Variants in ARHGAP23 observed in about 807,000 individuals in gnomAD.
The protein encoded by ARHGAP23 is Rho GTPase activating protein 23.
ARHGAP23 carries 34 observed loss-of-function variants against 136.3 expected under a neutral mutation model. The observed-to-expected ratio is 0.25, with a 90% CI of 0.19 to 0.33. ARHGAP23 has a LOEUF of 0.33. Among genes scored for constraint, ARHGAP23 ranks in the 10% least tolerant of loss-of-function variants. ARHGAP23 has a pLI of 1.00. For synonymous variants in ARHGAP23, 832 were observed against 920.5 expected, an observed-to-expected ratio of 0.90 and a Z score of 1.74; for missense variants, 1,808 against 2,139.0, an observed-to-expected ratio of 0.85 and a Z score of 3.05.
intron 1 of ARHGAP23, among the ~76,000 whole-genome samples, chr17:38,432,470 A>G (rs2038706193): frequency 6.6e-6 from 1 of 152,192 alleles, no homozygotes; most frequent in African/African-American, 2.4e-5. Flanking sequence ...ACCTGAGGTC[A>G]GGAGTTTGAG....
At chr17:38,507,276 A>AAATTAATAATAAT (rs142246291) in intron 23 of ARHGAP23, among the ~76,000 whole-genome samples, 3 of 136,670 alleles carry the variant, frequency 2.2e-5, no homozygotes, top group African/African-American at 8.2e-5. Flanking sequence ...CTCCGTCTCA[A>AAATTAATAATAAT]AATAATAATA....
chr17:38,479,176 T>C (rs1452788010), intron 12 of ARHGAP23, among the ~76,000 whole-genome samples: 3 of 152,148 alleles, frequency 2.0e-5, no homozygotes, highest in Non-Finnish European at 4.4e-5. Context: ...GCTGCATGAT[T>C]CTGCACCCGG....
chr17:38,446,833 T>C (rs62073430), intron 1 of ARHGAP23, among the ~76,000 whole-genome samples: 16,674 of 151,698 alleles, frequency 0.11, 1,972 homozygotes, highest in African/African-American at 0.3. Flanking sequence ...AGAGAGGGAG[T>C]CTTCCTCTGT....
Position 38,479,785 on chromosome 17 carries a change from C to A in ARHGAP23, c.2531C>A (p.Pro844His), listed in dbSNP as rs1357052651. The A allele has an allele frequency of 1.3e-6, 2 of 1,507,280 alleles. No individual in the cohort carries two copies. Among genetic ancestry groups the A allele is most frequent in the Admixed American group, 2.2e-5 (1 of 46,064 alleles). 93.4% of individuals were successfully genotyped at this position (1,507,280 alleles called of 1,614,324 possible). Residue 844 changes from proline (P) to histidine (H), a missense_variant, in exon 14 of 24, where the codon CCC (proline) becomes CAC (histidine). Transcript: ENST00000622683. ...HSSGPKADSS[P>H]KGSRGLGGLK... ...TCTGGGCCCAAAGCTGATTCCTCCC[C>A]CAAAGGCTCTCGCGGCCTGGGGGGC... is the stretch of plus-strand genomic sequence containing the variant.
chr17:38,440,508 C>T (rs1254613012), intron 1 of ARHGAP23, among the ~76,000 whole-genome samples: 1 of 152,340 alleles, frequency 6.6e-6, no homozygotes, highest in East Asian at 1.9e-4. Flanking sequence ...ACCCAGTTTA[C>T]AGCTGAGGAG....
chr17:38,453,638 G>A (rs2039242869), intron 1 of ARHGAP23: 2 of 151,140 alleles, frequency 1.3e-5, no homozygotes, highest in South Asian at 4.2e-4. Context: ...GGGCCGCCCC[G>A]GAGGGGGAGG....
intron 3 of ARHGAP23, among the ~76,000 whole-genome samples, chr17:38,462,601 G>C (rs2039488239): frequency 6.6e-6 from 1 of 152,206 alleles, no homozygotes; most frequent in Admixed American, 6.5e-5. Flanking sequence ...AGAGGACACA[G>C]GAGGTGTTTA....
At chr17:38,454,437 T>G (rs896693757) in intron 1 of ARHGAP23, among the ~76,000 whole-genome samples, 11 of 151,982 alleles carry the variant, frequency 7.2e-5, no homozygotes, top group African/African-American at 2.7e-4. Flanking sequence ...ACCAGAGCGT[T>G]TGAAGAGACG....
intron 1 of ARHGAP23, among the ~76,000 whole-genome samples, chr17:38,430,405 T>C (rs2038661338): frequency 2.6e-5 from 4 of 152,026 alleles, no homozygotes. Context: ...GCCCTGTGCT[T>C]GTGCCCCTCT....
Position 38,448,858 on chromosome 17 carries a change from CT to C in ARHGAP23, c.64-9227del, listed in dbSNP as rs1241989813. Among the ~76,000 whole-genome samples the C allele has an allele frequency of 2.5e-3, 310 of 124,180 alleles. 1 individual carries two copies. The highest frequency in any genetic ancestry group is 4.2e-3 in the Middle Eastern group (1 of 236). 81.5% of individuals were successfully genotyped at this position (124,180 alleles called of 152,430 possible). A position where few individuals can be genotyped will look rare whatever the true frequency, so the allele number is the denominator to read the frequency against. On this transcript the variant is annotated intron_variant, in intron 1 of 23. Transcript: ENST00000622683. ...ATGGGGTCTTGCCAAGTTGCCCAGCCTTTTTTTTTTTTTTTTTGAGACCGGG... is the reference window on the plus strand; with the variant it reads ...ATGGGGTCTTGCCAAGTTGCCCAGCCTTTTTTTTTTTTTTTTGAGACCGGG...
intron 1 of ARHGAP23, among the ~76,000 whole-genome samples, chr17:38,438,771 G>A (rs547475446): frequency 1.3e-5 from 2 of 151,954 alleles, no homozygotes; most frequent in Non-Finnish European, 2.9e-5. Context: ...ATCATCTGAG[G>A]TCGGGAGTTT....
chr17:38,486,231 TC>T (rs2040156502), intron 17 of ARHGAP23, 91 bp downstream of exon 17: 14 of 1,057,486 alleles, frequency 1.3e-5, no homozygotes, highest in Admixed American at 3.3e-5. Flanking sequence ...TTGGTTTTAC[TC>T]TTTTTTTTTT....
At chr17:38,421,703 C>G (rs2038522286) in intron 1 of ARHGAP23, among the ~76,000 whole-genome samples, 1 of 152,190 alleles carries the variant, frequency 6.6e-6, no homozygotes, top group Admixed American at 6.5e-5. Context: ...AGGGGCTTGC[C>G]CCACTGTGGT....
In ARHGAP23 at chr17:38,477,217, G is replaced by C. The variant is rs2144695765; in HGVS notation, c.2119-362G>C. ...GGTTTGCTGGGATGAGGGGCAGCCT[G>C]GGGAGGGGCGTGGGCTGGGAATGGC... is the stretch of plus-strand genomic sequence containing the variant. On this transcript the variant is annotated intron_variant, in intron 11 of 23. Transcript: ENST00000622683. This position sits in a 1 kb window ranked among gnomAD's most constrained non-coding sequence, Gnocchi z 6.6. Among the ~76,000 whole-genome samples the C allele has an allele frequency of 6.6e-6, 1 of 152,216 alleles. No homozygotes were observed. The highest frequency in any genetic ancestry group is 2.4e-5 in the African/African-American group (1 of 41,536).
At position 38,471,844 on chromosome 17, in the gene ARHGAP23, C is replaced by T. The variant is rs1201836426; in HGVS notation, c.1975-19C>T. 1 of 1,522,284 alleles carries T rather than the reference C, an allele frequency of 6.6e-7. No individual in the cohort carries two copies. The highest frequency in any genetic ancestry group is 8.8e-7 in the Non-Finnish European group (1 of 1,130,488). The allele number at this position is 1,522,284 out of a possible 1,614,324, so 94.3% of individuals were successfully genotyped here. On this transcript the variant is annotated intron_variant, in intron 10 of 23. Coordinates refer to ENST00000622683, the MANE Select transcript of ARHGAP23 (RefSeq NM_001199417.2). ...ATTGTGGGAGCCACCCTAAATTGTC[C>T]TCTGTTGTCTCCCTGCAGTCCTTGG... is the stretch of plus-strand genomic sequence containing the variant.
chr17:38,471,725 G>GC, intron 10 of ARHGAP23, 138 bp from the exon 11 acceptor site: 1 of 975,400 alleles, frequency 1.0e-6, no homozygotes, highest in Non-Finnish European at 1.5e-6. Context: ...GACAAGCAAT[G>GC]CCCATGAGGT....
chr17:38,456,059 A>G (rs2039317114), intron 1 of ARHGAP23, among the ~76,000 whole-genome samples: 1 of 152,210 alleles, frequency 6.6e-6, no homozygotes, highest in South Asian at 2.1e-4. Flanking sequence ...CAGACCGTAT[A>G]GGAGTAGAAC....
chr17:38,480,505 G>A (rs1329129589), intron 14 of ARHGAP23, among the ~76,000 whole-genome samples: 1 of 151,834 alleles, frequency 6.6e-6, no homozygotes, highest in Non-Finnish European at 1.5e-5. Context: ...GTGGTGGCAG[G>A]CACCTGTAGT....
At chr17:38,467,750 GTTCA>G (rs1439871343) in intron 7 of ARHGAP23, among the ~76,000 whole-genome samples, 5 of 149,056 alleles carry the variant, frequency 3.4e-5, no homozygotes, top group South Asian at 2.1e-4. Flanking sequence ...TCCTTCTTTT[GTTCA>G]TTCATTTGTT....
Sources: gnomAD v4.1 joint callset for allele counts (sites outside exome capture counted in the v4.1 genomes callset) on GRCh38, gnomAD v4.1.1 for gene constraint, Gnocchi (gnomAD v3.1) non-coding constraint, MANE v1.5 for transcripts, NCBI Gene and HGNC (gene_info 2026-07-23, HGNC 2026-07-21) for gene names.